Variants in PTPRD observed in about 807,000 individuals in gnomAD.
PTPRD encodes receptor-type tyrosine-protein phosphatase delta.
PTPRD carries 34 observed loss-of-function variants against 214.5 expected under a neutral mutation model. The observed-to-expected ratio is 0.16, with a 90% CI of 0.12 to 0.21. PTPRD has a LOEUF of 0.21. Ranked by LOEUF, PTPRD falls within the 10% of genes least tolerant of loss-of-function variation. PTPRD has a pLI of 1.00. For synonymous variants in PTPRD, 1,128 were observed against 845.7 expected, an observed-to-expected ratio of 1.33 and a Z score of -5.79; for missense variants, 2,545 against 2,398.7, an observed-to-expected ratio of 1.06 and a Z score of -1.27.
intron 9 of PTPRD, among the ~76,000 whole-genome samples, chr9:9,196,957 G>C (rs1466482136): frequency 1.3e-5 from 2 of 152,094 alleles, no homozygotes; most frequent in Non-Finnish European, 2.9e-5. Context: ...CTTTGACCAT[G>C]ATAGATCTAG....
intron 3 of PTPRD, among the ~76,000 whole-genome samples, chr9:10,107,880 G>T (rs1453175170): frequency 6.6e-6 from 1 of 152,070 alleles, no homozygotes; most frequent in African/African-American, 2.4e-5. Context: ...AACTTCCTTA[G>T]TTCAACATAC....
chr9:10,234,377 A>G (rs2099622288), intron 3 of PTPRD, among the ~76,000 whole-genome samples: 2 of 151,830 alleles, frequency 1.3e-5, no homozygotes, highest in South Asian at 2.1e-4. Context: ...GCCCTAAAAC[A>G]CCCAAAAGTT....
At chr9:10,358,475 ATTTAC>A (rs1325812951) in intron 2 of PTPRD, among the ~76,000 whole-genome samples, 1 of 151,904 alleles carries the variant, frequency 6.6e-6, no homozygotes, top group Non-Finnish European at 1.5e-5. Flanking sequence ...TAGACAGTAT[ATTTAC>A]TTTAGTTTGG....
intron 2 of PTPRD, among the ~76,000 whole-genome samples, chr9:10,590,370 AG>A: frequency 6.6e-6 from 1 of 152,044 alleles, no homozygotes; most frequent in Non-Finnish European, 1.5e-5. Flanking sequence ...ATTTTAAATG[AG>A]CAGTTTTTCA....
intron 8 of PTPRD, among the ~76,000 whole-genome samples, chr9:9,527,614 TCTA>T (rs2074428613): frequency 6.6e-6 from 1 of 152,236 alleles, no homozygotes; most frequent in Admixed American, 6.5e-5. Context: ...AGCATGATTC[TCTA>T]CTATTTAAAA....
intron 8 of PTPRD, among the ~76,000 whole-genome samples, chr9:9,568,406 T>C (rs1249118107): frequency 1.3e-5 from 2 of 151,872 alleles, no homozygotes; most frequent in Non-Finnish European, 2.9e-5. Flanking sequence ...TCATCTTTAA[T>C]ACATTTCAGA....
At chr9:8,812,608 A>C (rs1268398613) in intron 11 of PTPRD, among the ~76,000 whole-genome samples, 1 of 152,158 alleles carries the variant, frequency 6.6e-6, no homozygotes, top group Non-Finnish European at 1.5e-5. Flanking sequence ...GAGTTCAATA[A>C]ACTGACTTCA....
At chr9:9,955,324 A>C (rs190676377) in intron 4 of PTPRD, among the ~76,000 whole-genome samples, 24 of 152,294 alleles carry the variant, frequency 1.6e-4, no homozygotes, top group Admixed American at 4.6e-4. Flanking sequence ...ATAAAGCAGT[A>C]AAGGATATGT....
intron 3 of PTPRD, among the ~76,000 whole-genome samples, chr9:10,111,534 G>A (rs1422494786): frequency 6.6e-6 from 1 of 152,028 alleles, no homozygotes; most frequent in East Asian, 1.9e-4. Context: ...CACCGCGCCC[G>A]GCCCCAGTTT....
chr9:10,172,252 G>C (rs2099213211), intron 3 of PTPRD, among the ~76,000 whole-genome samples: 1 of 152,114 alleles, frequency 6.6e-6, no homozygotes, highest in Non-Finnish European at 1.5e-5. Flanking sequence ...TGAAGGACAA[G>C]TCAAAATCTC....
chr9:9,241,168 T>C (rs1446566445), intron 9 of PTPRD, among the ~76,000 whole-genome samples: 1 of 152,224 alleles, frequency 6.6e-6, no homozygotes, highest in Non-Finnish European at 1.5e-5. Context: ...GAAATTTTGC[T>C]GATTACTTAA....
rs191919110 is a variant in PTPRD, at chr9:9,354,485, A to T, written c.-203+42964T>A. On this transcript the variant is annotated intron_variant, in intron 9 of 45. Transcript: ENST00000381196. ...TGTAATATGAAAATATTGGCTTTACAATTCAATAACTTTTCAAATGAATTT... is the reference window on the plus strand; with the variant it reads ...TGTAATATGAAAATATTGGCTTTACTATTCAATAACTTTTCAAATGAATTT... 2.0e-3 allele frequency among the ~76,000 whole-genome samples: 298 copies of T among 151,516 alleles called. 1 individual carries two copies. The highest frequency in any genetic ancestry group is 3.4e-3 in the Middle Eastern group (1 of 294).
At chr9:9,382,872 C>T (rs2062754018) in intron 9 of PTPRD, among the ~76,000 whole-genome samples, 1 of 151,998 alleles carries the variant, frequency 6.6e-6, no homozygotes, top group African/African-American at 2.4e-5. Context: ...CAGAACGATT[C>T]ACAATAGCCA....
chr9:8,341,909 T>G lies in PTPRD; in HGVS notation c.4731A>C (p.Lys1577Asn). ...TTACATGGCCATAAATATCTACAGT[T>G]TTTTCATGCTTTATTCTTTCTAACA... ...DAMLERIKHEKTVDIYGHVTL... is the reference protein window; with the variant it reads ...DAMLERIKHENTVDIYGHVTL... The change falls in exon 40 of 46, where the codon AAA (lysine) becomes AAC (asparagine). Residue 1577 changes from lysine to asparagine, a missense_variant. By Grantham distance (94) the Lys-to-Asn change is moderately conservative (BLOSUM62 0). Coordinates refer to ENST00000381196, the MANE Select transcript of PTPRD (RefSeq NM_002839.4). The G allele has an allele frequency of 6.2e-7, 1 of 1,613,234 alleles. No individual in the cohort carries two copies. The highest frequency in any genetic ancestry group is 8.5e-7 in the Non-Finnish European group (1 of 1,179,608).
chr9:8,914,325 G>A (rs775452185), intron 11 of PTPRD, among the ~76,000 whole-genome samples: 14 of 151,968 alleles, frequency 9.2e-5, no homozygotes, highest in Non-Finnish European at 1.9e-4. Flanking sequence ...ACTAAAATTT[G>A]TTCTTACCAA....
intron 7 of PTPRD, among the ~76,000 whole-genome samples, chr9:9,631,872 G>C (rs950101442): frequency 2.0e-5 from 3 of 152,110 alleles, no homozygotes; most frequent in Non-Finnish European, 2.9e-5. Flanking sequence ...GAAAATATAA[G>C]TAATTGGAAA....
chr9:9,642,360 A>T (rs1321174903), intron 7 of PTPRD, among the ~76,000 whole-genome samples: 3 of 151,394 alleles, frequency 2.0e-5, no homozygotes, highest in Admixed American at 6.6e-5. Flanking sequence ...GCACATGTAT[A>T]CATATGTAAC....
At chr9:10,228,677 AAAAAGT>A (rs564758953) in intron 3 of PTPRD, among the ~76,000 whole-genome samples, 1 of 151,234 alleles carries the variant, frequency 6.6e-6, no homozygotes, top group African/African-American at 2.4e-5. Context: ...TAATTTTTAA[AAAAAGT>A]AAAAGTAAAT....
intron 3 of PTPRD, among the ~76,000 whole-genome samples, chr9:10,273,981 TTG>T (rs35822712): frequency 0.45 from 64,006 of 140,818 alleles, 15,060 homozygotes; most frequent in Non-Finnish European, 0.58. Context: ...TCCTCATGCT[TTG>T]TGTCACAAGA....
Sources: gnomAD v4.1 joint callset for allele counts (sites outside exome capture counted in the v4.1 genomes callset) on GRCh38, gnomAD v4.1.1 for gene constraint, MANE v1.5 for transcripts, NCBI Gene and HGNC (gene_info 2026-07-23, HGNC 2026-07-21) for gene names.